Variants in ZNF775 observed in about 807,000 individuals in gnomAD.
The protein encoded by ZNF775 is zinc finger protein 775.
In ZNF775, 1 loss-of-function variant was observed where a neutral mutation model predicts 2.4. That is an observed-to-expected ratio of 0.41 (90% CI 0.15 to 1.94). The LOEUF (loss-of-function observed/expected upper bound fraction) is 1.94, where lower values mean the gene tolerates loss of function less well. Among genes scored for constraint, ZNF775 ranks in the 30% most tolerant of loss-of-function variants. The pLI is 0.30. For synonymous variants in ZNF775, 381 were observed against 373.3 expected (o/e 1.02, Z -0.24); for missense variants, 823 against 826.6 (o/e 1.00, Z 0.05).
intron 1 of ZNF775, among the ~76,000 whole-genome samples, chr7:150,380,828 CCTT>C (rs1800348768): frequency 6.6e-6 from 1 of 152,208 alleles, no homozygotes. Context: ...GCTACGATTA[CCTT>C]CTTATCAGGT....
Position 150,396,934 on chromosome 7 carries a change from G to T in ZNF775, c.453G>T (p.Ala151=). 6.2e-7 allele frequency: 1 copy of T among 1,601,334 alleles called. No homozygotes were observed. Among genetic ancestry groups the T allele is most frequent in the Non-Finnish European group, 8.5e-7 (1 of 1,179,612 alleles). ...GCTTCAGCCAGAAGCCGAACCTGGC[G>T]CGCCACCAGCGGCACCACACGGGCG... ...GKSFSQKPNL[A]RHQRHHTGER... is the part of the protein sequence containing the mutation. Residue 151 remains alanine, a synonymous_variant, in exon 3 of 3, where the codon GCG becomes GCT. Coordinates refer to ENST00000329630, the MANE Select transcript of ZNF775 (RefSeq NM_173680.4).
At chr7:150,388,214 CTT>C (rs1371042332) in intron 1 of ZNF775, among the ~76,000 whole-genome samples, 5 of 152,190 alleles carry the variant, frequency 3.3e-5, no homozygotes, top group African/African-American at 1.2e-4. Flanking sequence ...TCAGTTTCCT[CTT>C]TTGTAAAATG....
chr7:150,383,366 C>G (rs944331183), intron 1 of ZNF775, among the ~76,000 whole-genome samples: 2 of 152,316 alleles, frequency 1.3e-5, no homozygotes, highest in South Asian at 2.1e-4. Context: ...ATTCAATACA[C>G]ATTACACACC....
At chr7:150,380,683 T>C (rs867220693) in intron 1 of ZNF775, among the ~76,000 whole-genome samples, 7 of 152,166 alleles carry the variant, frequency 4.6e-5, no homozygotes, top group African/African-American at 1.4e-4. Flanking sequence ...ATCCGAGGTG[T>C]GCGTGCCAGC....
At position 150,382,186 on chromosome 7, in the gene ZNF775, G is replaced by A. The variant is rs974974065; in HGVS notation, c.-50+2794G>A. 3.3e-5 allele frequency among the ~76,000 whole-genome samples: 5 copies of A among 152,136 alleles called. No homozygotes were observed. The highest frequency in any genetic ancestry group is 2.1e-4 in the South Asian group (1 of 4,822). ...TGGAGCGTGGAGGCTCCTGTGTGGC[G>A]CTGGGGGCCTCTGAGATTCCCAACT... On this transcript the variant is annotated intron_variant, in intron 1 of 2. Transcript: ENST00000329630. The surrounding 1 kb of genome is among the most constrained non-coding windows in gnomAD (Gnocchi z 4.6).
At chr7:150,389,906 TG>T (rs61138559) in intron 2 of ZNF775, among the ~76,000 whole-genome samples, 1 of 21,794 alleles carries the variant, frequency 4.6e-5, no homozygotes, top group Admixed American at 6.6e-4. Context: ...TGTGTGTGTG[TG>T]TGTGTGTGTG....
intron 2 of ZNF775, among the ~76,000 whole-genome samples, chr7:150,394,864 T>C (rs1232784699): frequency 6.6e-6 from 1 of 152,236 alleles, no homozygotes; most frequent in Non-Finnish European, 1.5e-5. Context: ...GTTATTATTT[T>C]GATACCACTG....
chr7:150,385,981 A>G (rs529605559), intron 1 of ZNF775, among the ~76,000 whole-genome samples: 3 of 152,054 alleles, frequency 2.0e-5, no homozygotes, highest in Admixed American at 6.5e-5. Flanking sequence ...TTTTTGAGAC[A>G]GAGTCTCACT....
rs535705895 is a variant in ZNF775 at position 150,391,706 on chromosome 7, C to CTTTTTTTTTTT, written c.31+3216_31+3226dup. ...ATTCCCATTTCTTTTTCCTTTCTTT[C>CTTTTTTTTTTT]TTTTTTTTTTTTTTTTTTTTTGAGA... On this transcript the variant is annotated intron_variant, in intron 2 of 2. Transcript: ENST00000329630. Among the ~76,000 whole-genome samples, 24 of 73,566 alleles carry CTTTTTTTTTTT rather than the reference C, an allele frequency of 3.3e-4. 1 individual carries two copies. Among genetic ancestry groups the CTTTTTTTTTTT allele is most frequent in the Non-Finnish European group, 4.8e-4 (19 of 39,584 alleles). The allele number at this position is 73,566 out of a possible 152,430, so 48.3% of individuals were successfully genotyped here.
At chr7:150,380,382 A>G (rs1193674637) in intron 1 of ZNF775, among the ~76,000 whole-genome samples, 1 of 152,196 alleles carries the variant, frequency 6.6e-6, no homozygotes, top group Non-Finnish European at 1.5e-5. Flanking sequence ...GTTAAGATGC[A>G]TGTAGTCTTG....
At chr7:150,389,898 TGTGTGTGTGTGTGTGTG>T (rs748605051) in intron 2 of ZNF775, among the ~76,000 whole-genome samples, 3,858 of 31,298 alleles carry the variant, frequency 0.12, 185 homozygotes, top group African/African-American at 0.21. Flanking sequence ...TGTGTGTGTG[TGTGTGTGTGTGTGTGTG>T]TGTGTTATGG....
At position 150,396,897 on chromosome 7, in the gene ZNF775, A is replaced by G. The variant is rs773759548; in HGVS notation, c.416A>G (p.Lys139Arg). The G allele has an allele frequency of 8.1e-6, 13 of 1,602,532 alleles. No individual in the cohort carries two copies. In the Admixed American group the frequency reaches 1.0e-4, roughly 12 times the overall value. ...HTGEKPYLCG[K>R]CGKSFSQKPN... Reference sequence around the variant, plus strand: ...GGGGAGAAGCCGTACCTCTGCGGCAAGTGCGGCAAGAGCTTCAGCCAGAAG... The same window carrying G: ...GGGGAGAAGCCGTACCTCTGCGGCAGGTGCGGCAAGAGCTTCAGCCAGAAG... Residue 139 changes from lysine (K) to arginine (R), a missense_variant, in exon 3 of 3, where the codon AAG becomes AGG. Transcript: ENST00000329630.
Position 150,388,469 on chromosome 7 carries a change from G to T in ZNF775, c.-2G>T. 1 of 1,551,768 alleles carries T rather than the reference G, an allele frequency of 6.4e-7. No homozygotes were observed. Among genetic ancestry groups the T allele is most frequent in the Admixed American group, 2.0e-5 (1 of 51,012 alleles). On this transcript the variant is annotated 5_prime_UTR_variant, in exon 2 of 3. Transcript: ENST00000329630. ...GGCGCTGATGCTGGGAGGCCTCCAG[G>T]GATGGAGAGTGGCCTGGCTGGCAAC...
In ZNF775 at chr7:150,398,190, C is replaced by T; in HGVS notation, c.*95C>T. On this transcript the variant is annotated 3_prime_UTR_variant, in exon 3 of 3. Transcript: ENST00000329630. ...GGCCAGGATTGCTGGCTCTTAGAAC[C>T]CCTTAGAGCGGGACCGGTGGATTCC... The T allele has an allele frequency of 6.7e-7, 1 of 1,488,830 alleles. No individual in the cohort carries two copies. The highest frequency in any genetic ancestry group is 8.9e-7 in the Non-Finnish European group (1 of 1,119,704). The allele number at this position is 1,488,830 out of a possible 1,614,324, so 92.2% of individuals were successfully genotyped here.
At chr7:150,385,433 A>C (rs1481149359) in intron 1 of ZNF775, among the ~76,000 whole-genome samples, 1 of 149,706 alleles carries the variant, frequency 6.7e-6, no homozygotes, top group Non-Finnish European at 1.5e-5. Flanking sequence ...AGCCTGCAAT[A>C]CCCCAAGCGA....
chr7:150,392,611 G>T (rs1800579322), intron 2 of ZNF775, among the ~76,000 whole-genome samples: 1 of 147,900 alleles, frequency 6.8e-6, no homozygotes, highest in Admixed American at 6.7e-5. Context: ...AGGGCTCACT[G>T]CAGCCTCAGC....
At chr7:150,392,442 T>C (rs1800575257) in intron 2 of ZNF775, among the ~76,000 whole-genome samples, 1 of 152,212 alleles carries the variant, frequency 6.6e-6, no homozygotes, top group Non-Finnish European at 1.5e-5. Context: ...GAATCTGACT[T>C]GCAGCCTTAA....
At chr7:150,379,543 G>C (rs1295742221) in intron 1 of ZNF775, among the ~76,000 whole-genome samples, 151 bp downstream of exon 1, 1 of 151,308 alleles carries the variant, frequency 6.6e-6, no homozygotes, top group African/African-American at 2.5e-5. Context: ...GGGGGCCTGG[G>C]GTGCCCCGAG....
At position 150,396,935 on chromosome 7, in the gene ZNF775, C is replaced by T. The variant is rs375076217; in HGVS notation, c.454C>T (p.Arg152Cys). Residue 152 changes from arginine (R) to cysteine (C), a missense_variant, in exon 3 of 3, where the codon CGC becomes TGC. Physicochemically the swap from Arg to Cys is radical, Grantham distance 180. Transcript: ENST00000329630. ...CTTCAGCCAGAAGCCGAACCTGGCG[C>T]GCCACCAGCGGCACCACACGGGCGA... ...KSFSQKPNLA[R>C]HQRHHTGERP... The T allele has an allele frequency of 2.2e-5, 35 of 1,601,282 alleles. No individual in the cohort carries two copies. The highest frequency in any genetic ancestry group is 2.7e-5 in the Non-Finnish European group (32 of 1,179,600).
Sources: allele counts gnomAD v4.1 joint callset (sites outside exome capture counted in the v4.1 genomes callset), GRCh38; gene constraint gnomAD v4.1.1; non-coding constraint Gnocchi (gnomAD v3.1); transcripts MANE v1.5; gene names NCBI Gene and HGNC (gene_info 2026-07-23, HGNC 2026-07-21).